Variants in IGFBP5 observed in about 807,000 individuals in gnomAD.
The protein encoded by IGFBP5 is insulin-like growth factor-binding protein 5.
In IGFBP5, 12 loss-of-function variants were observed where a neutral mutation model predicts 28.0. The observed-to-expected ratio is 0.43, with a 90% CI of 0.27 to 0.69. IGFBP5 has a LOEUF of 0.69. Among genes scored for constraint, IGFBP5 ranks in the 30% least tolerant of loss-of-function variants. The pLI, the probability that IGFBP5 is intolerant of heterozygous loss-of-function variation, is 0.20. For synonymous variants in IGFBP5, 152 were observed against 150.2 expected (o/e 1.01, Z -0.09); for missense variants, 344 against 381.6 (o/e 0.90, Z 0.82).
At chr2:216,677,028 C>T in intron 3 of IGFBP5, 146 bp from the exon 4 acceptor site, 2 of 792,284 alleles carry the variant, frequency 2.5e-6, no homozygotes, top group Non-Finnish European at 3.8e-6. Flanking sequence ...TTTCTGGTGT[C>T]CCCATTTCAC....
chr2:216,690,201 G>A (rs1689078155), intron 1 of IGFBP5, among the ~76,000 whole-genome samples: 1 of 152,112 alleles, frequency 6.6e-6, no homozygotes, highest in Non-Finnish European at 1.5e-5. Flanking sequence ...TAGTCTCTGG[G>A]AATTGCAGCT....
At chr2:216,693,504 A>G (rs1226944722) in intron 1 of IGFBP5, among the ~76,000 whole-genome samples, 2 of 152,000 alleles carry the variant, frequency 1.3e-5, no homozygotes, top group African/African-American at 4.8e-5. Flanking sequence ...TGGTGGTGCC[A>G]GGAATCTGCA....
In IGFBP5 at chr2:216,679,358, G is replaced by T; in HGVS notation, c.338-279C>A. On this transcript the variant is annotated intron_variant, in intron 1 of 3. Transcript: ENST00000233813. The surrounding 1 kb of genome is among the most constrained non-coding windows in gnomAD (Gnocchi z 4.6). Reference sequence around the variant, plus strand: ...AGAATCGAGAGACTGACAGACTGATGGGTGAGGACGGAGCAGGCCTTCTGG... The same window carrying T: ...AGAATCGAGAGACTGACAGACTGATTGGTGAGGACGGAGCAGGCCTTCTGG... 2.0e-6 allele frequency: 1 copy of T among 507,298 alleles called. No homozygotes were observed. Among genetic ancestry groups the T allele is most frequent in the South Asian group, 2.0e-5 (1 of 49,342 alleles). The allele number at this position is 507,298 out of a possible 1,614,324, so 31.4% of individuals were successfully genotyped here.
rs1689134476 is a variant in IGFBP5, at chr2:216,694,004, A to G, written c.337+435T>C. Among the ~76,000 whole-genome samples the G allele has an allele frequency of 7.6e-6, 1 of 131,208 alleles. No homozygotes were observed. The highest frequency in any genetic ancestry group is 1.7e-5 in the Non-Finnish European group (1 of 58,954). The allele number at this position is 131,208 out of a possible 152,430, so 86.1% of individuals were successfully genotyped here. A position where few individuals can be genotyped will look rare whatever the true frequency, so the allele number is the denominator to read the frequency against. The stretch of plus-strand genomic sequence containing the variant: ...GCCTCTCTCTCCAGGCCGCAATTAA[A>G]ATAATATTTTAACAAAAGAGATTTT... On this transcript the variant is annotated intron_variant, in intron 1 of 3. Coordinates refer to ENST00000233813, the MANE Select transcript of IGFBP5 (RefSeq NM_000599.4). The surrounding 1 kb of genome is among the most constrained non-coding windows in gnomAD (Gnocchi z 5.2).
Position 216,694,564 on chromosome 2 carries a change from G to T in IGFBP5, c.212C>A (p.Thr71Asn), listed in dbSNP as rs1689144283. Residue 71 changes from threonine to asparagine, a missense_variant, in exon 1 of 4, where the codon ACC becomes AAC. Coordinates refer to ENST00000233813, the MANE Select transcript of IGFBP5 (RefSeq NM_000599.4). This position sits in a 1 kb window ranked among gnomAD's most constrained non-coding sequence, Gnocchi z 5.2. ...LAEGQSCGVY[T>N]ERCAQGLRCL... ...GCGCAGCCCCTGGGCGCAGCGCTCGGTGTAGACGCCGCACGACTGCCCCTC... is the reference window on the plus strand; with the variant it reads ...GCGCAGCCCCTGGGCGCAGCGCTCGTTGTAGACGCCGCACGACTGCCCCTC... 5.1e-6 allele frequency: 8 copies of T among 1,562,372 alleles called. No homozygotes were observed. The highest frequency in any genetic ancestry group is 6.9e-6 in the Non-Finnish European group (8 of 1,156,254).
At chr2:216,677,435 A>C (rs879860429) in intron 3 of IGFBP5, among the ~76,000 whole-genome samples, 2 of 152,216 alleles carry the variant, frequency 1.3e-5, no homozygotes, top group Non-Finnish European at 2.9e-5. Context: ...AGTGCTTTAC[A>C]AAGACCAATC....
chr2:216,690,902 C>T (rs1045156380), intron 1 of IGFBP5, among the ~76,000 whole-genome samples: 1 of 5,526 alleles, frequency 1.8e-4, no homozygotes, highest in Non-Finnish European at 3.7e-4. Flanking sequence ...TGGGCGGGGG[C>T]GGGGGCGGTG....
At chr2:216,681,100 C>T (rs1688973384) in intron 1 of IGFBP5, among the ~76,000 whole-genome samples, 1 of 152,086 alleles carries the variant, frequency 6.6e-6, no homozygotes, top group Non-Finnish European at 1.5e-5. Context: ...AAGGCTGGGG[C>T]TCCGTTATCT....
At position 216,694,303 on chromosome 2, in the gene IGFBP5, G is replaced by C. The variant is rs1004037318; in HGVS notation, c.337+136C>G. The stretch of plus-strand genomic sequence containing the variant: ...TCCTCCAGGGCTCCAATTCCGGGGT[G>C]CAAGGACCCTCCCCGACTACTCCCG... On this transcript the variant is annotated intron_variant, in intron 1 of 3. Transcript: ENST00000233813. This position sits in a 1 kb window ranked among gnomAD's most constrained non-coding sequence, Gnocchi z 5.2. 1 of 682,672 alleles carries C rather than the reference G, an allele frequency of 1.5e-6. No individual in the cohort carries two copies. The highest frequency in any genetic ancestry group is 2.3e-6 in the Non-Finnish European group (1 of 428,630). 42.3% of individuals were successfully genotyped at this position (682,672 alleles called of 1,614,324 possible). A position where few individuals can be genotyped will look rare whatever the true frequency, so the allele number is the denominator to read the frequency against.
rs766400391 is a variant in IGFBP5, at chr2:216,678,177, G to A, written c.622C>T (p.Arg208Cys). The A allele has an allele frequency of 7.5e-6, 12 of 1,595,282 alleles. No homozygotes were observed. The highest frequency in any genetic ancestry group is 1.7e-5 in the Admixed American group (1 of 58,542). The stretch of plus-strand genomic sequence containing the variant: ...AGGTACACAGCACGGGGCACCATGC[G>A]TGGGCTGGCTTTGAGCTCCTGCAGG... ...ASLQELKASP[R>C]MVPRAVYLPN... Residue 208 changes from arginine to cysteine, a missense_variant, in exon 3 of 4, where the codon CGC (arginine) becomes TGC (cysteine). Arg to Cys is a radical substitution (Grantham distance 180). Coordinates refer to ENST00000233813, the MANE Select transcript of IGFBP5 (RefSeq NM_000599.4).
chr2:216,693,692 C>T (rs1324378247), intron 1 of IGFBP5, among the ~76,000 whole-genome samples: 1 of 152,076 alleles, frequency 6.6e-6, no homozygotes, highest in Non-Finnish European at 1.5e-5. Flanking sequence ...ACCCCCACCC[C>T]GCACCCCCGC....
At chr2:216,685,400 C>A (rs892956432) in intron 1 of IGFBP5, among the ~76,000 whole-genome samples, 6 of 152,120 alleles carry the variant, frequency 3.9e-5, no homozygotes, top group African/African-American at 1.4e-4. Flanking sequence ...ACTTCGTGGC[C>A]ACATATGGAC....
intron 1 of IGFBP5, among the ~76,000 whole-genome samples, chr2:216,690,040 A>G (rs1357665505): frequency 2.0e-5 from 3 of 152,048 alleles, no homozygotes; most frequent in Non-Finnish European, 4.4e-5. Flanking sequence ...AACTGGAAAT[A>G]AAAGGGGGGG....
At chr2:216,677,113 T>A (rs577710132) in intron 3 of IGFBP5, among the ~76,000 whole-genome samples, 2 of 152,018 alleles carry the variant, frequency 1.3e-5, no homozygotes, top group Admixed American at 1.3e-4. Context: ...CTTTCCTTTT[T>A]TTTTTTTCAG....
intron 1 of IGFBP5, among the ~76,000 whole-genome samples, chr2:216,684,290 C>T (rs1452502444): frequency 1.3e-5 from 2 of 152,180 alleles, no homozygotes; most frequent in Admixed American, 1.3e-4. Context: ...GGAGACCTGC[C>T]TGCCTAAAAT....
At chr2:216,678,051 T>A in intron 3 of IGFBP5, 61 bp downstream of exon 3, 1 of 1,358,986 alleles carries the variant, frequency 7.4e-7, no homozygotes, top group South Asian at 2.2e-5. Context: ...CAAGGTGGAG[T>A]TTCCTGGCAG....
chr2:216,679,143 G>A lies in IGFBP5; in HGVS notation c.338-64C>T. 2 of 1,388,286 alleles carry A rather than the reference G, an allele frequency of 1.4e-6. No individual in the cohort carries two copies. The highest frequency in any genetic ancestry group is 1.7e-5 in the Admixed American group (1 of 57,716). 86.0% of individuals were successfully genotyped at this position (1,388,286 alleles called of 1,614,324 possible). On this transcript the variant is annotated intron_variant, in intron 1 of 3. Transcript: ENST00000233813. The surrounding 1 kb of genome is among the most constrained non-coding windows in gnomAD (Gnocchi z 4.6). ...CAAGGTGCACACGGCCAGAGCCCAG[G>A]GCTGGGCAGTTTGGGGTGAGGGGAG...
At chr2:216,688,536 T>G (rs1286402206) in intron 1 of IGFBP5, among the ~76,000 whole-genome samples, 1 of 152,180 alleles carries the variant, frequency 6.6e-6, no homozygotes, top group African/African-American at 2.4e-5. Context: ...ATGTTTCAAT[T>G]GGAAGTGCTG....
intron 3 of IGFBP5, 95 bp downstream of exon 3, chr2:216,678,017 C>T (rs538378130): frequency 1.2e-4 from 142 of 1,217,836 alleles, no homozygotes; most frequent in African/African-American, 3.1e-4. Flanking sequence ...AAGTGGTTAA[C>T]GGTGGAAACC....
Sources: gnomAD v4.1 joint callset for allele counts (sites outside exome capture counted in the v4.1 genomes callset) on GRCh38, gnomAD v4.1.1 for gene constraint, Gnocchi (gnomAD v3.1) non-coding constraint, MANE v1.5 for transcripts, NCBI Gene and HGNC (gene_info 2026-07-23, HGNC 2026-07-21) for gene names.